The following PPM1H variants were observed in gnomAD, a reference collection of about 807,000 sequenced individuals.
PPM1H encodes the protein protein phosphatase 1H.
In PPM1H, 27 loss-of-function variants were observed where a neutral mutation model predicts 54.9. The observed-to-expected ratio is 0.49, with a 90% CI of 0.36 to 0.68. PPM1H has a LOEUF of 0.68. Ranked by LOEUF, PPM1H falls within the 30% of genes least tolerant of loss-of-function variation. The pLI is 0.00. For synonymous variants in PPM1H, 305 were observed against 270.8 expected (o/e 1.13, Z -1.24); for missense variants, 596 against 667.8 (o/e 0.89, Z 1.19).
chr12:62,772,092 C>A (rs1375161188), intron 4 of PPM1H, among the ~76,000 whole-genome samples: 1 of 152,158 alleles, frequency 6.6e-6, no homozygotes. Flanking sequence ...CCATTTGACT[C>A]CAAACCCTAT....
intron 1 of PPM1H, among the ~76,000 whole-genome samples, chr12:62,864,208 A>G (rs200205889): frequency 1.3e-5 from 2 of 152,224 alleles, no homozygotes; most frequent in East Asian, 3.9e-4. Context: ...CATTAGTGCC[A>G]AGGCTACAAA....
intron 3 of PPM1H, among the ~76,000 whole-genome samples, chr12:62,801,350 G>C (rs2704763): frequency 0.13 from 20,337 of 151,782 alleles, 1,891 homozygotes; most frequent in African/African-American, 0.27. Context: ...CGCAGTCTCG[G>C]TCTGTTGCTC....
intron 1 of PPM1H, among the ~76,000 whole-genome samples, chr12:62,913,943 G>A (rs866561209): frequency 3.9e-5 from 6 of 152,162 alleles, no homozygotes; most frequent in South Asian, 2.1e-4. Flanking sequence ...CAAGTGACCC[G>A]CTGGCCTCAG....
At chr12:62,818,321 G>A (rs1191351713) in intron 2 of PPM1H, among the ~76,000 whole-genome samples, 1 of 152,132 alleles carries the variant, frequency 6.6e-6, no homozygotes, top group Non-Finnish European at 1.5e-5. Flanking sequence ...TGGAAAAGCT[G>A]TGTTTTCACC....
chr12:62,791,961 C>T (rs1476393632), intron 3 of PPM1H, among the ~76,000 whole-genome samples: 7 of 152,182 alleles, frequency 4.6e-5, no homozygotes, highest in Non-Finnish European at 1.0e-4. Context: ...TGCTTGTATA[C>T]TGTCTATAGA....
chr12:62,838,850 G>A lies in PPM1H; in HGVS notation c.246-6571C>T, dbSNP rs1189431355. Among the ~76,000 whole-genome samples the A allele has an allele frequency of 1.9e-5, 2 of 103,558 alleles. 1 individual carries two copies. Among genetic ancestry groups the A allele is most frequent in the Non-Finnish European group, 3.9e-5 (2 of 51,500 alleles). The allele number at this position is 103,558 out of a possible 152,430, so 67.9% of individuals were successfully genotyped here. On this transcript the variant is annotated intron_variant, in intron 1 of 9. Coordinates refer to ENST00000228705, the MANE Select transcript of PPM1H (RefSeq NM_020700.2). ...GCAGGAGAATGGCGTGAACCCGGGA[G>A]GCGGAGCTTGCAGTGAGCCGAGATC...
chr12:62,918,431 G>A (rs772573), intron 1 of PPM1H, among the ~76,000 whole-genome samples: 149,484 of 152,352 alleles, frequency 0.98, 73,399 homozygotes, highest in East Asian at 1. Context: ...TAAATATTAA[G>A]GTGAAGCAAT....
At chr12:62,658,928 A>G (rs1351578994) in intron 9 of PPM1H, 1 of 684,944 alleles carries the variant, frequency 1.5e-6, no homozygotes, top group East Asian at 2.9e-5. Context: ...TAACTGGCAG[A>G]AACCCAGAGG....
In PPM1H at chr12:62,664,417, T is replaced by TGA. The variant is rs2075904893; in HGVS notation, c.1397+2759_1397+2760dup. Reference sequence around the variant, plus strand: ...TTAGAAGTTTGGTTTCTATTCCATGTGAGTTTCCTCTCCTTTACTAGTTTA... The same window carrying TGA: ...TTAGAAGTTTGGTTTCTATTCCATGTGAGAGTTTCCTCTCCTTTACTAGTTTA... On this transcript the variant is annotated intron_variant, in intron 9 of 9. Coordinates refer to ENST00000228705, the MANE Select transcript of PPM1H (RefSeq NM_020700.2). 3.3e-5 allele frequency among the ~76,000 whole-genome samples: 5 copies of TGA among 152,376 alleles called. No homozygotes were observed. The South Asian group carries it at 1.0e-3, about 32-fold the overall frequency.
chr12:62,756,401 G>A (rs899262406), intron 4 of PPM1H, among the ~76,000 whole-genome samples: 18 of 151,196 alleles, frequency 1.2e-4, no homozygotes, highest in Non-Finnish European at 2.2e-4. Flanking sequence ...CCACCTTGTC[G>A]TGTGCCATTA....
At chr12:62,849,419 G>C (rs1565808861) in intron 1 of PPM1H, among the ~76,000 whole-genome samples, 1 of 152,174 alleles carries the variant, frequency 6.6e-6, no homozygotes, top group East Asian at 1.9e-4. Flanking sequence ...AAAGCTGATT[G>C]ACCTGGGGTC....
intron 1 of PPM1H, among the ~76,000 whole-genome samples, chr12:62,905,420 G>A (rs1871276060): frequency 6.6e-6 from 1 of 152,028 alleles, no homozygotes; most frequent in Non-Finnish European, 1.5e-5. Flanking sequence ...GGGACAATGT[G>A]GGCATCAAAA....
intron 9 of PPM1H, among the ~76,000 whole-genome samples, chr12:62,666,142 A>G (rs1416218855): frequency 6.6e-6 from 1 of 151,850 alleles, no homozygotes; most frequent in Non-Finnish European, 1.5e-5. Flanking sequence ...CAGTGGCGCG[A>G]TCTTGGCTCA....
At chr12:62,800,108 A>G (rs1048855964) in intron 3 of PPM1H, among the ~76,000 whole-genome samples, 1 of 152,252 alleles carries the variant, frequency 6.6e-6, no homozygotes, top group East Asian at 1.9e-4. Flanking sequence ...TTAAATAAAA[A>G]GAGGATGCAA....
At chr12:62,703,075 T>TAA (rs1490384173) in intron 6 of PPM1H, among the ~76,000 whole-genome samples, 2 of 152,218 alleles carry the variant, frequency 1.3e-5, no homozygotes, top group Admixed American at 1.3e-4. Context: ...CCATCAGTTG[T>TAA]GGCTATTAAG....
intron 9 of PPM1H, among the ~76,000 whole-genome samples, chr12:62,661,063 C>T (rs1329390197): frequency 1.3e-5 from 2 of 152,152 alleles, no homozygotes; most frequent in Non-Finnish European, 2.9e-5. Flanking sequence ...CCTCACACCT[C>T]ATCTGTTGAC....
Position 62,832,168 on chromosome 12 carries a change from G to A in PPM1H, c.357C>T (p.Ser119=). The change falls in exon 2 of 10, where the codon TCC becomes TCT. Residue 119 remains serine (S), a synonymous_variant. Transcript: ENST00000228705. ...AVTSTPNRNS[S]KRRSSLPNGE... is the part of the protein sequence containing the mutation. ...CATTGGGAAGGGAGGACCGTCTCTT[G>A]GATGAGTTCCTGTTTGGGGTTGAGG... 6.2e-7 allele frequency: 1 copy of A among 1,613,872 alleles called. No individual in the cohort carries two copies. Among genetic ancestry groups the A allele is most frequent in the Admixed American group, 1.7e-5 (1 of 60,012 alleles).
chr12:62,651,449 G>A (rs530156956), intron 9 of PPM1H, among the ~76,000 whole-genome samples: 17 of 152,294 alleles, frequency 1.1e-4, no homozygotes, highest in African/African-American at 4.1e-4. Context: ...AGACCACCCT[G>A]ATGCTGCTAT....
intron 2 of PPM1H, among the ~76,000 whole-genome samples, chr12:62,819,280 C>A (rs1396098011): frequency 6.6e-6 from 1 of 152,012 alleles, no homozygotes; most frequent in East Asian, 1.9e-4. Flanking sequence ...CAGGCGCCTG[C>A]CACTGCACCC....
Sources: allele counts gnomAD v4.1 joint callset (sites outside exome capture counted in the v4.1 genomes callset), GRCh38; gene constraint gnomAD v4.1.1; transcripts MANE v1.5; gene names NCBI Gene and HGNC (gene_info 2026-07-23, HGNC 2026-07-21).